RNLS: variants seen among roughly 807,000 people sequenced by gnomAD.
RNLS encodes renalase.
RNLS carries 39 observed loss-of-function variants against 39.8 expected under a neutral mutation model. That is an observed-to-expected ratio of 0.98 (90% confidence interval 0.76 to 1.28). The LOEUF (loss-of-function observed/expected upper bound fraction) is 1.28, where lower values mean the gene tolerates loss of function less well. Ranked by LOEUF, RNLS falls within the 50% of genes most tolerant of loss-of-function variation. The pLI is 0.00. For synonymous variants in RNLS, 147 were observed against 150.7 expected (o/e 0.98, Z 0.18); for missense variants, 410 against 413.3 (o/e 0.99, Z 0.07).
intron 4 of RNLS, among the ~76,000 whole-genome samples, chr10:88,375,937 A>AC (rs1192229124): frequency 6.6e-6 from 1 of 152,144 alleles, no homozygotes; most frequent in East Asian, 1.9e-4. Context: ...TGGTGGCAAC[A>AC]CAAGCAATGG....
chr10:88,258,051 T>C, the RNLS span, among the ~76,000 whole-genome samples: 3 of 152,210 alleles, frequency 2.0e-5, no homozygotes, highest in African/African-American at 7.2e-5. Flanking sequence ...AACTCTATAA[T>C]TGACTAGCAA....
At chr10:88,286,594 C>T (rs1222213393) in intron 6 of RNLS, among the ~76,000 whole-genome samples, 1 of 151,910 alleles carries the variant, frequency 6.6e-6, no homozygotes, top group Non-Finnish European at 1.5e-5. Context: ...CTTCAGGGGG[C>T]TCCATTCACC....
chr10:88,561,544 A>G (rs1391569214), intron 4 of RNLS, among the ~76,000 whole-genome samples: 1 of 152,176 alleles, frequency 6.6e-6, no homozygotes, highest in Non-Finnish European at 1.5e-5. Flanking sequence ...CATATTTTAT[A>G]TAAACATATA....
intron 6 of RNLS, among the ~76,000 whole-genome samples, chr10:88,297,815 T>A (rs1404135543): frequency 6.6e-6 from 1 of 152,208 alleles, no homozygotes; most frequent in Non-Finnish European, 1.5e-5. Context: ...CAGTTTTGTT[T>A]GAACACATGC....
At chr10:88,256,456 A>C in the RNLS span, among the ~76,000 whole-genome samples, 1 of 152,218 alleles carries the variant, frequency 6.6e-6, no homozygotes, top group East Asian at 1.9e-4. Context: ...AAAGAGAGCA[A>C]GTTATTCCAG....
chr10:88,581,796 G>A (rs1468379585), intron 2 of RNLS, 87 bp from the exon 3 acceptor site: 1 of 873,808 alleles, frequency 1.1e-6, no homozygotes, highest in Non-Finnish European at 1.6e-6. Context: ...AATTCTCAGA[G>A]GTTATAATTC....
intron 4 of RNLS, among the ~76,000 whole-genome samples, chr10:88,491,873 AAAGATTCC>A (rs1472425470): frequency 2.6e-5 from 4 of 152,116 alleles, no homozygotes; most frequent in Admixed American, 6.6e-5. Flanking sequence ...GATGAAGTGT[AAAGATTCC>A]AACCCAATTC....
chr10:88,564,420 C>A (rs529982135), intron 4 of RNLS, among the ~76,000 whole-genome samples: 1 of 151,684 alleles, frequency 6.6e-6, no homozygotes, highest in South Asian at 2.1e-4. Context: ...CTGGTGAATC[C>A]CTGAAAATCA....
chr10:88,472,508 C>T (rs1054597296), intron 4 of RNLS, among the ~76,000 whole-genome samples: 4 of 151,846 alleles, frequency 2.6e-5, no homozygotes, highest in Non-Finnish European at 5.9e-5. Context: ...TCAAGAGTTG[C>T]CGAAAATAGG....
intron 4 of RNLS, among the ~76,000 whole-genome samples, chr10:88,507,866 C>A (rs1006824737): frequency 1.3e-5 from 2 of 152,054 alleles, no homozygotes; most frequent in African/African-American, 4.8e-5. Flanking sequence ...TGATTTTGAG[C>A]TATGATTACA....
chr10:88,197,071 A>G, the RNLS span, among the ~76,000 whole-genome samples: 1 of 152,192 alleles, frequency 6.6e-6, no homozygotes, highest in African/African-American at 2.4e-5. Flanking sequence ...CAGGAGATGA[A>G]AGTGCATGCG....
At chr10:88,439,012 A>T (rs1351530819) in intron 4 of RNLS, among the ~76,000 whole-genome samples, 1 of 152,230 alleles carries the variant, frequency 6.6e-6, no homozygotes, top group African/African-American at 2.4e-5. Context: ...ACCAACAGGC[A>T]AAAGTGAACT....
chr10:88,438,441 A>C (rs1841533432), intron 4 of RNLS, among the ~76,000 whole-genome samples: 1 of 152,204 alleles, frequency 6.6e-6, no homozygotes, highest in Admixed American at 6.5e-5. Context: ...TTATAACTGA[A>C]GACATTAAAA....
intron 4 of RNLS, among the ~76,000 whole-genome samples, chr10:88,404,441 C>T (rs1853137960): frequency 6.6e-6 from 1 of 152,006 alleles, no homozygotes; most frequent in Non-Finnish European, 1.5e-5. Flanking sequence ...TTCCCCCAGA[C>T]ATTTTATTCT....
chr10:88,171,875 A>G, the RNLS span, among the ~76,000 whole-genome samples: 3 of 152,204 alleles, frequency 2.0e-5, no homozygotes, highest in African/African-American at 4.8e-5. Flanking sequence ...AATAATTACA[A>G]TTCTACTCTC....
chr10:88,524,949 G>GCACACACA lies in RNLS; in HGVS notation c.526+47946_526+47953dup, dbSNP rs761145374. ...TGTATGCCATATATATATATATATG[G>GCACACACA]CACACACATACATATATATATATAT... On this transcript the variant is annotated intron_variant, in intron 4 of 6. Transcript: ENST00000331772. Among the ~76,000 whole-genome samples the GCACACACA allele has an allele frequency of 5.5e-3, 271 of 49,624 alleles. 6 individuals are homozygous for GCACACACA. The highest frequency in any genetic ancestry group is 0.015 in the African/African-American group (197 of 13,098). 32.6% of individuals were successfully genotyped at this position (49,624 alleles called of 152,430 possible).
chr10:88,186,048 G>T, the RNLS span, among the ~76,000 whole-genome samples: 1 of 152,110 alleles, frequency 6.6e-6, no homozygotes, highest in African/African-American at 2.4e-5. Flanking sequence ...TATGAGTGGA[G>T]ACCAGAGGAG....
chr10:88,272,494 G>T (rs1007257978), downstream of RNLS, among the ~76,000 whole-genome samples: 3 of 152,122 alleles, frequency 2.0e-5, no homozygotes, highest in Non-Finnish European at 2.9e-5. Flanking sequence ...CCTCTCCAGG[G>T]ATTCTAATTC....
chr10:88,183,392 G>A, the RNLS span, among the ~76,000 whole-genome samples: 1 of 152,076 alleles, frequency 6.6e-6, no homozygotes, highest in South Asian at 2.1e-4. Flanking sequence ...GAAAACTAAT[G>A]TGTATATTAA....
Sources: gnomAD v4.1 joint callset for allele counts (sites outside exome capture counted in the v4.1 genomes callset) on GRCh38, gnomAD v4.1.1 for gene constraint, MANE v1.5 for transcripts, NCBI Gene and HGNC (gene_info 2026-07-23, HGNC 2026-07-21) for gene names.